PTPRM: variants seen among roughly 807,000 people sequenced by gnomAD.
The protein encoded by PTPRM is receptor-type tyrosine-protein phosphatase mu.
In PTPRM, 47 loss-of-function variants were observed where a neutral mutation model predicts 186.7. The observed-to-expected ratio is 0.25, with a 90% confidence interval of 0.20 to 0.32. PTPRM has a LOEUF of 0.32. PTPRM is among the 10% of genes least tolerant of loss of function. The probability of loss-of-function intolerance (pLI) is 1.00; values close to 1 mark genes in which losing one functional copy is unlikely to be tolerated. For missense variants in PTPRM, 1,494 were observed against 1,865.0 expected, an observed-to-expected ratio of 0.80 and a Z score of 3.66; for synonymous variants, 668 against 674.9, an observed-to-expected ratio of 0.99 and a Z score of 0.16.
intron 2 of PTPRM, among the ~76,000 whole-genome samples, chr18:7,826,054 A>C (rs975534442): frequency 6.6e-6 from 1 of 152,132 alleles, no homozygotes; most frequent in Non-Finnish European, 1.5e-5. Flanking sequence ...ATTGGATGGC[A>C]TCCCCGTCAA....
At chr18:7,904,583 A>T (rs1248945359) in intron 3 of PTPRM, among the ~76,000 whole-genome samples, 1 of 152,222 alleles carries the variant, frequency 6.6e-6, no homozygotes, top group Non-Finnish European at 1.5e-5. Context: ...CCAAGTTGTT[A>T]GGTACATCAT....
chr18:7,863,027 G>T (rs2047474604), intron 2 of PTPRM, among the ~76,000 whole-genome samples: 1 of 152,070 alleles, frequency 6.6e-6, no homozygotes, highest in South Asian at 2.1e-4. Context: ...TAGGTTTGGG[G>T]TAGAGAAAAG....
At chr18:7,834,660 C>T (rs4798600) in intron 2 of PTPRM, among the ~76,000 whole-genome samples, 90,917 of 150,684 alleles carry the variant, frequency 0.6, 27,812 homozygotes, top group East Asian at 0.87. Flanking sequence ...CTCTGTTTTT[C>T]AGAGTAGTTT....
intron 7 of PTPRM, among the ~76,000 whole-genome samples, chr18:8,056,751 C>CAAA (rs34470950): frequency 0.025 from 3,663 of 143,846 alleles, 80 homozygotes; most frequent in African/African-American, 0.071. Context: ...CCTTTTTTAG[C>CAAA]AAAAAAAAAA....
At chr18:8,400,716 C>G (rs1159048003) in intron 32 of PTPRM, among the ~76,000 whole-genome samples, 1 of 152,220 alleles carries the variant, frequency 6.6e-6, no homozygotes, top group Non-Finnish European at 1.5e-5. Flanking sequence ...CCTCCAGACT[C>G]AGCCTCACCT....
intron 1 of PTPRM, among the ~76,000 whole-genome samples, chr18:7,669,933 AG>A (rs1250401688): frequency 3.9e-5 from 6 of 152,030 alleles, no homozygotes; most frequent in East Asian, 1.9e-4. Flanking sequence ...TAGTAGAGAA[AG>A]GGTTTCACAA....
chr18:7,950,107 T>C (rs1022561776), intron 6 of PTPRM, among the ~76,000 whole-genome samples: 1 of 152,164 alleles, frequency 6.6e-6, no homozygotes, highest in African/African-American at 2.4e-5. Context: ...AGAAAAGTTT[T>C]CCCTGCATTT....
intron 13 of PTPRM, 112 bp downstream of exon 13, chr18:8,114,939 TTATA>T: frequency 1.3e-6 from 1 of 774,520 alleles, no homozygotes; most frequent in Non-Finnish European, 2.1e-6. Context: ...AATGTGTGTA[TTATA>T]TATACATATA....
intron 7 of PTPRM, among the ~76,000 whole-genome samples, chr18:8,031,136 G>A (rs759830161): frequency 9.2e-5 from 14 of 152,118 alleles, no homozygotes; most frequent in South Asian, 4.1e-4. Context: ...TGTAAGTTTC[G>A]TGTTGTATAG....
chr18:7,616,461 C>G (rs910447266), intron 1 of PTPRM, among the ~76,000 whole-genome samples: 52 of 152,264 alleles, frequency 3.4e-4, no homozygotes, highest in African/African-American at 1.2e-3. Context: ...CCACAATGCT[C>G]CACTGCAGAT....
intron 1 of PTPRM, among the ~76,000 whole-genome samples, chr18:7,722,412 A>G (rs2040464024): frequency 6.6e-6 from 1 of 152,208 alleles, no homozygotes. Flanking sequence ...AATATGAAGT[A>G]GGAGACATAC....
intron 1 of PTPRM, among the ~76,000 whole-genome samples, chr18:7,652,026 A>C (rs1416935285): frequency 1.3e-5 from 2 of 152,238 alleles, no homozygotes; most frequent in Non-Finnish European, 2.9e-5. Context: ...TAATATCCAG[A>C]ATCTACAATG....
intron 7 of PTPRM, among the ~76,000 whole-genome samples, chr18:8,016,912 G>T (rs1402768811): frequency 6.6e-6 from 1 of 152,164 alleles, no homozygotes; most frequent in Non-Finnish European, 1.5e-5. Context: ...CATCTACATG[G>T]CTGACCAATA....
intron 23 of PTPRM, among the ~76,000 whole-genome samples, chr18:8,348,686 C>T (rs1342383430): frequency 6.6e-6 from 1 of 152,208 alleles, no homozygotes; most frequent in Admixed American, 6.5e-5. Context: ...GCTGTTCCAT[C>T]TGCCAGAAGT....
chr18:7,652,060 AAAAC>A (rs869168604), intron 1 of PTPRM, among the ~76,000 whole-genome samples: 3 of 152,258 alleles, frequency 2.0e-5, no homozygotes, highest in Non-Finnish European at 4.4e-5. Context: ...TTACAAGGAA[AAAAC>A]AAACAACCCC....
chr18:7,842,947 T>TAGAGAGAGAGAGAGAGAGAG (rs1555616950), intron 2 of PTPRM, among the ~76,000 whole-genome samples: 9 of 112,130 alleles, frequency 8.0e-5, no homozygotes, highest in African/African-American at 3.4e-4. Flanking sequence ...TATATATATA[T>TAGAGAGAGAGAGAGAGAGAG]AGAGAGAGAG....
At chr18:8,116,999 T>C (rs571707609) in intron 13 of PTPRM, among the ~76,000 whole-genome samples, 11 of 152,220 alleles carry the variant, frequency 7.2e-5, no homozygotes, top group African/African-American at 2.7e-4. Context: ...AGAGGAAACC[T>C]TGGAAGATAT....
At chr18:8,124,618 T>C (rs1156309433) in intron 13 of PTPRM, among the ~76,000 whole-genome samples, 1 of 152,184 alleles carries the variant, frequency 6.6e-6, no homozygotes, top group Non-Finnish European at 1.5e-5. Flanking sequence ...ACTTATCATT[T>C]AGCAAAGCTA....
At position 8,126,021 on chromosome 18, in the gene PTPRM, A is replaced by ATTTTTTT. The variant is rs1235933280; in HGVS notation, c.2167+11195_2167+11196insTTTTTTT. On this transcript the variant is annotated intron_variant, in intron 13 of 32. Coordinates refer to ENST00000580170, the MANE Select transcript of PTPRM (RefSeq NM_001105244.2). ...TATATATATATATATATATATATAT[A>ATTTTTTT]TATATATTTTAAATCAGTAGACCTT... Among the ~76,000 whole-genome samples, 355 of 37,488 alleles carry ATTTTTTT rather than the reference A, an allele frequency of 9.5e-3. 20 individuals are homozygous for ATTTTTTT. Among genetic ancestry groups the ATTTTTTT allele is most frequent in the Admixed American group, 0.015 (34 of 2,232 alleles). 24.6% of individuals were successfully genotyped at this position (37,488 alleles called of 152,430 possible). A position where few individuals can be genotyped will look rare whatever the true frequency, so the allele number is the denominator to read the frequency against.
Sources: gnomAD v4.1 joint callset for allele counts (sites outside exome capture counted in the v4.1 genomes callset) on GRCh38, gnomAD v4.1.1 for gene constraint, MANE v1.5 for transcripts, NCBI Gene and HGNC (gene_info 2026-07-23, HGNC 2026-07-21) for gene names.